Variants in LRBA observed in about 807,000 individuals in gnomAD.
LRBA encodes LPS responsive beige-like anchor protein.
In LRBA, 176 loss-of-function variants were observed where a neutral mutation model predicts 330.0. That is an observed-to-expected ratio of 0.53 (90% confidence interval 0.47 to 0.60). The LOEUF (loss-of-function observed/expected upper bound fraction) is 0.60, where lower values mean the gene tolerates loss of function less well. Among genes scored for constraint, LRBA ranks in the 20% least tolerant of loss-of-function variants. The pLI is 0.00. For synonymous variants in LRBA, 1,230 were observed against 1,193.0 expected, an observed-to-expected ratio of 1.03 and a Z score of -0.64; for missense variants, 3,259 against 3,444.8, an observed-to-expected ratio of 0.95 and a Z score of 1.35.
At chr4:150,534,812 A>G (rs1764468586) in intron 40 of LRBA, among the ~76,000 whole-genome samples, 1 of 152,152 alleles carries the variant, frequency 6.6e-6, no homozygotes, top group African/African-American at 2.4e-5. Context: ...ACTATATCAG[A>G]TGCCATTGTC....
At chr4:150,960,654 C>T (rs548217611) in intron 2 of LRBA, among the ~76,000 whole-genome samples, 3 of 148,830 alleles carry the variant, frequency 2.0e-5, no homozygotes, top group Non-Finnish European at 4.4e-5. Flanking sequence ...AGATGACTGG[C>T]AAAATTCTAT....
chr4:150,399,843 T>A (rs990086301), intron 47 of LRBA, among the ~76,000 whole-genome samples: 6 of 152,036 alleles, frequency 3.9e-5, no homozygotes, highest in Non-Finnish European at 8.8e-5. Flanking sequence ...AGTGTGGTAG[T>A]GTGGCGCCTG....
chr4:150,952,960 C>T (rs575421608), intron 2 of LRBA, among the ~76,000 whole-genome samples: 1 of 152,230 alleles, frequency 6.6e-6, no homozygotes, highest in African/African-American at 2.4e-5. Context: ...CCTCATCTCC[C>T]TCCATCAAGC....
At chr4:150,750,864 C>T (rs972896800) in intron 35 of LRBA, among the ~76,000 whole-genome samples, 3 of 150,752 alleles carry the variant, frequency 2.0e-5, no homozygotes, top group African/African-American at 7.3e-5. Flanking sequence ...GATGTGCTTC[C>T]TTAACCAGAA....
rs1578997340 is a variant in LRBA, at chr4:150,852,080, C to T, written c.3630G>A (p.Glu1210=). Residue 1210 remains glutamate, a synonymous_variant, in exon 23 of 57, where the codon GAG becomes GAA. Coordinates refer to ENST00000651943, the MANE Select transcript of LRBA (RefSeq NM_001364905.1). The stretch of plus-strand genomic sequence containing the variant: ...TGAGGTTAGTTGCTTTCTTCCCTTC[C>T]TCCAGCATCTGACCAAGGTCTGATT... ...AVESDLGQML[E]EGKKATNLTR... is the part of the protein sequence containing the mutation. 1 of 1,614,132 alleles carries T rather than the reference C, an allele frequency of 6.2e-7. No individual in the cohort carries two copies.
chr4:150,883,827 T>C (rs527239845), intron 17 of LRBA, among the ~76,000 whole-genome samples: 1 of 152,268 alleles, frequency 6.6e-6, no homozygotes, highest in South Asian at 2.1e-4. Context: ...AATTAGAAAT[T>C]TTTTATTTCT....
chr4:150,814,010 A>G (rs990018845), intron 31 of LRBA, among the ~76,000 whole-genome samples: 1 of 152,160 alleles, frequency 6.6e-6, no homozygotes, highest in Non-Finnish European at 1.5e-5. Flanking sequence ...TGCATTTAAC[A>G]GAGCCTATTT....
chr4:150,629,742 C>T (rs1777191397), intron 37 of LRBA, among the ~76,000 whole-genome samples: 1 of 151,700 alleles, frequency 6.6e-6, no homozygotes, highest in Non-Finnish European at 1.5e-5. Flanking sequence ...GGCCGAGCTG[C>T]ATGGATTGCC....
At chr4:150,296,184 T>C (rs1728951443) in intron 53 of LRBA, among the ~76,000 whole-genome samples, 1 of 152,146 alleles carries the variant, frequency 6.6e-6, no homozygotes, top group Non-Finnish European at 1.5e-5. Flanking sequence ...TAATGTTCTT[T>C]TGTTAAAAAT....
intron 2 of LRBA, among the ~76,000 whole-genome samples, chr4:150,998,651 G>A (rs1477498029): frequency 5.9e-5 from 9 of 151,974 alleles, no homozygotes; most frequent in East Asian, 1.9e-4. Flanking sequence ...AACCGCACCC[G>A]GCAGGAAAAT....
In LRBA at chr4:150,797,753, G is replaced by A. The variant is rs147547102; in HGVS notation, c.5580+328C>T. 7.1e-4 allele frequency among the ~76,000 whole-genome samples: 108 copies of A among 152,110 alleles called. 1 individual carries two copies. The highest frequency in any genetic ancestry group is 2.1e-3 in the African/African-American group (86 of 41,542). ...ACCCATAATTCCCAGTGGAGTCAGCGTGGCACTCCACAAGATATAGAAATA... is the reference window on the plus strand; with the variant it reads ...ACCCATAATTCCCAGTGGAGTCAGCATGGCACTCCACAAGATATAGAAATA... On this transcript the variant is annotated intron_variant, in intron 34 of 56. Transcript: ENST00000651943.
At chr4:150,882,717 T>G (rs1268917211) in intron 17 of LRBA, among the ~76,000 whole-genome samples, 1 of 152,236 alleles carries the variant, frequency 6.6e-6, no homozygotes, top group African/African-American at 2.4e-5. Flanking sequence ...GATTTCAATC[T>G]GCTCACAGAT....
intron 35 of LRBA, among the ~76,000 whole-genome samples, chr4:150,738,554 A>G (rs554730221): frequency 2.0e-5 from 3 of 152,328 alleles, no homozygotes; most frequent in East Asian, 3.9e-4. Flanking sequence ...AAAATGACAA[A>G]CGTGGGTAAA....
intron 44 of LRBA, among the ~76,000 whole-genome samples, chr4:150,462,862 G>C (rs1432229168): frequency 6.6e-6 from 1 of 151,656 alleles, no homozygotes; most frequent in Non-Finnish European, 1.5e-5. Flanking sequence ...TATACTATGG[G>C]ACAAATTTTA....
chr4:150,304,034 C>T (rs974054637), intron 52 of LRBA, among the ~76,000 whole-genome samples: 9 of 152,136 alleles, frequency 5.9e-5, no homozygotes, highest in African/African-American at 2.2e-4. Flanking sequence ...CAGATGAATG[C>T]CATACAATGT....
chr4:150,647,435 T>C (rs893810460), intron 37 of LRBA, among the ~76,000 whole-genome samples: 6 of 138,204 alleles, frequency 4.3e-5, no homozygotes, highest in African/African-American at 1.6e-4. Context: ...TATTGCTCAC[T>C]GTAACCTCAA....
chr4:150,585,633 T>C (rs1772021008), intron 40 of LRBA, among the ~76,000 whole-genome samples: 1 of 152,250 alleles, frequency 6.6e-6, no homozygotes, highest in African/African-American at 2.4e-5. Context: ...GGTAACTATA[T>C]ACTCCATTCG....
chr4:150,859,733 T>C (rs1481179906), intron 22 of LRBA, among the ~76,000 whole-genome samples: 1 of 152,240 alleles, frequency 6.6e-6, no homozygotes, highest in Non-Finnish European at 1.5e-5. Flanking sequence ...TGGCTTTTTA[T>C]AGCAGCAGCA....
chr4:150,891,043 A>G (rs1233271139), intron 17 of LRBA, among the ~76,000 whole-genome samples: 1 of 152,216 alleles, frequency 6.6e-6, no homozygotes, highest in East Asian at 1.9e-4. Flanking sequence ...AAAGAAAAAA[A>G]TCTGCCAAGC....
Sources: allele counts gnomAD v4.1 joint callset (sites outside exome capture counted in the v4.1 genomes callset), GRCh38; gene constraint gnomAD v4.1.1; transcripts MANE v1.5; gene names NCBI Gene and HGNC (gene_info 2026-07-23, HGNC 2026-07-21).